Variants in IL1RAPL1 observed in about 807,000 individuals in gnomAD.
IL1RAPL1 encodes interleukin 1 receptor accessory protein like 1.
A neutral mutation model predicts 48.4 loss-of-function variants in IL1RAPL1; 3 were observed. The observed-to-expected ratio is 0.06, with a 90% CI of 0.03 to 0.16. The LOEUF (loss-of-function observed/expected upper bound fraction) is 0.16. Among genes scored for constraint, IL1RAPL1 ranks in the 10% least tolerant of loss-of-function variants. IL1RAPL1 has a pLI of 1.00. For synonymous variants in IL1RAPL1, 185 were observed against 187.7 expected (o/e 0.99, Z 0.12); for missense variants, 349 against 530.6 (o/e 0.66, Z 3.36).
chrX:29,941,808 T>C lies in IL1RAPL1; in HGVS notation c.1201+14T>C. The stretch of plus-strand genomic sequence containing the variant: ...AGCTCGATGGAGGTAGGATGTTACC[T>C]CTTTTATTGTTCTTTCTGAATGTTC... On this transcript the variant is annotated intron_variant, in intron 9 of 10. Coordinates refer to ENST00000378993, the MANE Select transcript of IL1RAPL1 (RefSeq NM_014271.4). The C allele has an allele frequency of 8.3e-7, 1 of 1,197,999 alleles. No individual in the cohort carries two copies.
At chrX:28,638,620 A>C (rs1225947954) in intron 1 of IL1RAPL1, among the ~76,000 whole-genome samples, 1 of 109,355 alleles carries the variant, frequency 9.1e-6, no homozygotes, top group African/African-American at 3.3e-5. Flanking sequence ...TTTCAGACCT[A>C]CTAGATAGTC....
At chrX:28,866,889 AT>A (rs1188172181) in intron 2 of IL1RAPL1, among the ~76,000 whole-genome samples, 1 of 111,654 alleles carries the variant, frequency 9.0e-6, no homozygotes, top group Non-Finnish European at 1.9e-5. Flanking sequence ...AAGTTAGGGA[AT>A]TTTTTACATG....
At chrX:29,712,723 G>A (rs1174409205) in intron 6 of IL1RAPL1, among the ~76,000 whole-genome samples, 1 of 111,888 alleles carries the variant, frequency 8.9e-6, no homozygotes, top group African/African-American at 3.2e-5. Flanking sequence ...GTGCATTGTG[G>A]TAAAATATAA....
At chrX:29,937,984 A>C (rs1018250386) in intron 8 of IL1RAPL1, among the ~76,000 whole-genome samples, 3 of 111,711 alleles carry the variant, frequency 2.7e-5, no homozygotes, top group Non-Finnish European at 5.6e-5. Flanking sequence ...TTGTACCCTA[A>C]AGGAGTTTTT....
intron 5 of IL1RAPL1, among the ~76,000 whole-genome samples, chrX:29,568,003 A>C (rs1922463215): frequency 9.1e-6 from 1 of 110,025 alleles, no homozygotes; most frequent in African/African-American, 3.3e-5. Flanking sequence ...TTCCAACATG[A>C]TCTGTTTCAG....
intron 2 of IL1RAPL1, among the ~76,000 whole-genome samples, chrX:29,240,938 G>T (rs1931411572): frequency 8.9e-6 from 1 of 112,119 alleles, no homozygotes; most frequent in South Asian, 3.7e-4. Flanking sequence ...ATGTTTCCTT[G>T]ACAAGTGAAG....
intron 5 of IL1RAPL1, among the ~76,000 whole-genome samples, chrX:29,450,466 G>A (rs1049886029): frequency 2.7e-5 from 3 of 111,589 alleles, no homozygotes; most frequent in African/African-American, 9.8e-5. Context: ...AAATGAGCAT[G>A]GCTGTGTTCC....
At chrX:29,500,144 A>T (rs1032522667) in intron 5 of IL1RAPL1, among the ~76,000 whole-genome samples, 41 of 108,909 alleles carry the variant, frequency 3.8e-4, no homozygotes, top group African/African-American at 1.2e-3. Context: ...CACCTGGCTA[A>T]TTTTTTTTGT....
At chrX:28,660,324 T>G (rs1400216003) in intron 1 of IL1RAPL1, among the ~76,000 whole-genome samples, 2 of 111,092 alleles carry the variant, frequency 1.8e-5, no homozygotes, top group African/African-American at 6.5e-5. Flanking sequence ...TTTCTTCTCT[T>G]TTTTATCCTC....
intron 1 of IL1RAPL1, among the ~76,000 whole-genome samples, chrX:28,631,156 C>T (rs2146893332): frequency 8.9e-6 from 1 of 111,845 alleles, no homozygotes; most frequent in Admixed American, 9.5e-5. Context: ...GTGGGCTTGT[C>T]TGCCACAGAT....
chrX:28,922,008 A>C (rs1923626764), intron 2 of IL1RAPL1, among the ~76,000 whole-genome samples: 1 of 111,607 alleles, frequency 9.0e-6, no homozygotes, highest in Admixed American at 9.5e-5. Context: ...CCTTAGTTTT[A>C]ATATAATGGT....
intron 5 of IL1RAPL1, among the ~76,000 whole-genome samples, chrX:29,486,133 C>T (rs1041892704): frequency 1.8e-5 from 2 of 110,987 alleles, no homozygotes; most frequent in African/African-American, 6.6e-5. Context: ...CAATACCGAC[C>T]TGTTGCAATA....
At chrX:29,644,842 C>T (rs1312869766) in intron 5 of IL1RAPL1, among the ~76,000 whole-genome samples, 1 of 112,700 alleles carries the variant, frequency 8.9e-6, no homozygotes, top group Non-Finnish European at 1.9e-5. Flanking sequence ...GCAGTGATTA[C>T]AGGCAAGAGC....
At chrX:29,314,842 A>G (rs1405580973) in intron 3 of IL1RAPL1, among the ~76,000 whole-genome samples, 2 of 112,452 alleles carry the variant, frequency 1.8e-5, no homozygotes, top group Non-Finnish European at 3.8e-5. Context: ...CCACTCTTCT[A>G]AAACATTCAC....
chrX:28,890,334 AT>A (rs1445491657), intron 2 of IL1RAPL1, among the ~76,000 whole-genome samples: 2 of 110,918 alleles, frequency 1.8e-5, no homozygotes, highest in East Asian at 2.8e-4. Context: ...TTGTAATTGG[AT>A]TTTTTTTGGT....
chrX:29,180,412 C>G (rs980692976), intron 2 of IL1RAPL1, among the ~76,000 whole-genome samples: 1 of 109,652 alleles, frequency 9.1e-6, no homozygotes, highest in Non-Finnish European at 1.9e-5. Flanking sequence ...GTTTTGCTGT[C>G]GTTGCCCAGG....
intron 2 of IL1RAPL1, among the ~76,000 whole-genome samples, chrX:29,192,066 C>G (rs1164430910): frequency 9.0e-6 from 1 of 111,713 alleles, no homozygotes; most frequent in East Asian, 2.8e-4. Context: ...TCTATTCTTT[C>G]GTTCTCCACA....
chrX:29,311,147 G>T (rs1490921362), intron 3 of IL1RAPL1, among the ~76,000 whole-genome samples: 1 of 111,852 alleles, frequency 8.9e-6, no homozygotes, highest in Admixed American at 9.5e-5. Context: ...GTTATATAAA[G>T]ATTTTTGTTT....
chrX:28,632,358 A>G (rs909345046), intron 1 of IL1RAPL1, among the ~76,000 whole-genome samples: 2 of 111,450 alleles, frequency 1.8e-5, no homozygotes, highest in South Asian at 7.4e-4. Flanking sequence ...ACCTCATTTA[A>G]CCTTAATTAC....
Sources: gnomAD v4.1 joint callset for allele counts (sites outside exome capture counted in the v4.1 genomes callset) on GRCh38, gnomAD v4.1.1 for gene constraint, MANE v1.5 for transcripts, NCBI Gene and HGNC (gene_info 2026-07-23, HGNC 2026-07-21) for gene names.